NAV3: variants seen among roughly 807,000 people sequenced by gnomAD.
NAV3 encodes neuron navigator 3.
In NAV3, 87 loss-of-function variants were observed where a neutral mutation model predicts 244.7. That is an observed-to-expected ratio of 0.36 (90% CI 0.30 to 0.42). The LOEUF (loss-of-function observed/expected upper bound fraction) is 0.42. Among genes scored for constraint, NAV3 ranks in the 20% least tolerant of loss-of-function variants. The pLI is 1.00. For synonymous variants in NAV3, 1,126 were observed against 1,042.2 expected (o/e 1.08, Z -1.55); for missense variants, 2,663 against 2,893.3 (o/e 0.92, Z 1.83).
In NAV3 at chr12:77,796,946, A is replaced by G. The variant is rs543857127; in HGVS notation, c.73-143373A>G. 5.9e-5 allele frequency among the ~76,000 whole-genome samples: 9 copies of G among 152,266 alleles called. No individual in the cohort carries two copies. In the East Asian group the frequency reaches 1.4e-3, roughly 23 times the overall value. On this transcript the variant is annotated intron_variant, in intron 2 of 8. Coordinates refer to the NAV3 transcript ENST00000550042. The stretch of plus-strand genomic sequence containing the variant: ...AACCAACAAGTTTGTGTGACTCACT[A>G]TCATAATATTTACTTTATTGTGGTG...
intron 1 of NAV3, among the ~76,000 whole-genome samples, chr12:77,890,410 C>T (rs1369968797): frequency 6.6e-6 from 1 of 152,136 alleles, no homozygotes; most frequent in Non-Finnish European, 1.5e-5. Context: ...ACCACTGTAC[C>T]AGCCTCAGTT....
intron 37 of NAV3, among the ~76,000 whole-genome samples, chr12:78,200,021 G>T (rs1959473216): frequency 6.6e-6 from 1 of 151,864 alleles, no homozygotes; most frequent in African/African-American, 2.4e-5. Context: ...TTCTTTAATT[G>T]CATGTACAGA....
At chr12:77,792,633 A>C (rs574649911) in intron 2 of NAV3, among the ~76,000 whole-genome samples, 1 of 152,332 alleles carries the variant, frequency 6.6e-6, no homozygotes, top group African/African-American at 2.4e-5. Flanking sequence ...TTTTGGTTCA[A>C]GTACTCCCGG....
intron 2 of NAV3, among the ~76,000 whole-genome samples, chr12:77,723,755 CTTTTTTT>C (rs34518266): frequency 1.5e-5 from 1 of 67,648 alleles, no homozygotes; most frequent in Non-Finnish European, 2.6e-5. Flanking sequence ...GCAATCTTGA[CTTTTTTT>C]TTTTTTTTTT....
intron 2 of NAV3, among the ~76,000 whole-genome samples, chr12:77,721,015 G>GT (rs2137294201): frequency 6.6e-6 from 1 of 152,222 alleles, no homozygotes; most frequent in East Asian, 1.9e-4. Flanking sequence ...AATGGTTTGT[G>GT]TTTTTTATTT....
intron 2 of NAV3, among the ~76,000 whole-genome samples, chr12:77,623,001 T>A (rs1312809327): frequency 6.6e-6 from 1 of 152,162 alleles, no homozygotes; most frequent in Non-Finnish European, 1.5e-5. Flanking sequence ...TACAATCTTT[T>A]GTTAGACAGT....
intron 38 of NAV3, among the ~76,000 whole-genome samples, chr12:78,203,351 T>G (rs1959933985): frequency 6.6e-6 from 1 of 152,144 alleles, no homozygotes; most frequent in Non-Finnish European, 1.5e-5. Flanking sequence ...CATGTTTTTC[T>G]TCAATTGGTT....
chr12:77,627,116 A>G (rs1485985824), intron 2 of NAV3, among the ~76,000 whole-genome samples: 1 of 152,152 alleles, frequency 6.6e-6, no homozygotes, highest in East Asian at 1.9e-4. Flanking sequence ...AAAAACAACA[A>G]CAACAACTAT....
chr12:77,912,346 C>T (rs1326140691), intron 1 of NAV3, among the ~76,000 whole-genome samples: 6 of 151,972 alleles, frequency 3.9e-5, no homozygotes, highest in African/African-American at 1.5e-4. Flanking sequence ...GTCTACAGGC[C>T]AAGAAAGGCC....
chr12:77,725,252 A>G (rs918626873), intron 2 of NAV3, among the ~76,000 whole-genome samples: 2 of 152,028 alleles, frequency 1.3e-5, no homozygotes, highest in Non-Finnish European at 2.9e-5. Flanking sequence ...AGGATAAAAT[A>G]GTAAAAGGGT....
intron 39 of NAV3, among the ~76,000 whole-genome samples, chr12:78,209,884 C>T (rs1451010383): frequency 6.6e-6 from 1 of 152,188 alleles, no homozygotes; most frequent in Non-Finnish European, 1.5e-5. Flanking sequence ...CACCTCCTCC[C>T]GAGGTCAGCT....
At position 78,156,029 on chromosome 12, in the gene NAV3, T is replaced by C. The variant is rs540286990; in HGVS notation, c.4786-3174T>C. Among the ~76,000 whole-genome samples the C allele has an allele frequency of 6.6e-5, 10 of 152,284 alleles. No homozygotes were observed. The South Asian group carries it at 2.1e-3, about 32-fold the overall frequency. Reference sequence around the variant, plus strand: ...TCCTATTTGTCAACTTTTGCTTTTGTTGCAATTGCTTTTGGAGTTTTTGTC... The same window carrying C: ...TCCTATTTGTCAACTTTTGCTTTTGCTGCAATTGCTTTTGGAGTTTTTGTC... On this transcript the variant is annotated intron_variant, in intron 22 of 39. Coordinates refer to ENST00000397909, the MANE Select transcript of NAV3 (RefSeq NM_001024383.2).
At chr12:77,946,010 C>T (rs556561472) in intron 3 of NAV3, among the ~76,000 whole-genome samples, 5 of 150,724 alleles carry the variant, frequency 3.3e-5, no homozygotes, top group South Asian at 4.2e-4. Context: ...CCACCCATCT[C>T]GGCCTCCCAA....
At chr12:78,030,046 A>T (rs1012870641) in intron 9 of NAV3, among the ~76,000 whole-genome samples, 1 of 152,128 alleles carries the variant, frequency 6.6e-6, no homozygotes, top group Non-Finnish European at 1.5e-5. Context: ...TGTGTATAAG[A>T]TGCATATGAA....
intron 17 of NAV3, among the ~76,000 whole-genome samples, chr12:78,127,996 G>T (rs1455819996): frequency 6.6e-6 from 1 of 152,092 alleles, no homozygotes; most frequent in Non-Finnish European, 1.5e-5. Context: ...TGTATGAAAA[G>T]TTGGCTAATT....
At chr12:77,711,074 C>T (rs978504057) in intron 2 of NAV3, among the ~76,000 whole-genome samples, 12 of 152,104 alleles carry the variant, frequency 7.9e-5, no homozygotes, top group Non-Finnish European at 1.5e-4. Context: ...ATGACGCAAC[C>T]GGAAATTATG....
intron 12 of NAV3, among the ~76,000 whole-genome samples, chr12:78,100,190 A>G (rs1954468559): frequency 6.6e-6 from 1 of 151,994 alleles, no homozygotes; most frequent in African/African-American, 2.4e-5. Context: ...CCTTATGTTT[A>G]TATGAATTTC....
At chr12:77,865,983 T>C (rs904142268) in intron 1 of NAV3, among the ~76,000 whole-genome samples, 2 of 138,200 alleles carry the variant, frequency 1.4e-5, no homozygotes, top group African/African-American at 2.6e-5. Flanking sequence ...CCTCACATTA[T>C]AAGTTTTTTT....
intron 2 of NAV3, among the ~76,000 whole-genome samples, chr12:77,669,672 A>T (rs922578901): frequency 6.6e-6 from 1 of 152,148 alleles, no homozygotes; most frequent in Admixed American, 6.6e-5. Context: ...ATATATATGC[A>T]CCTAACACTA....
Sources: allele counts gnomAD v4.1 joint callset (sites outside exome capture counted in the v4.1 genomes callset), GRCh38; gene constraint gnomAD v4.1.1; transcripts MANE v1.5; gene names NCBI Gene and HGNC (gene_info 2026-07-23, HGNC 2026-07-21).